Variants in TPM3 observed in about 807,000 individuals in gnomAD.
The protein encoded by TPM3 is tropomyosin alpha-3 chain.
Under a neutral mutation model 43.1 loss-of-function variants are expected in TPM3, and 16 were observed. That is an observed-to-expected ratio of 0.37 (90% CI 0.25 to 0.56). The LOEUF is 0.56. TPM3 is among the 20% of genes least tolerant of loss of function. The pLI is 0.77. For synonymous variants in TPM3, 101 were observed against 116.9 expected (o/e 0.86, Z 0.88); for missense variants, 176 against 337.2 (o/e 0.52, Z 3.74).
At chr1:154,167,976 G>A in intron 9 of TPM3, 36 bp from the exon 10 acceptor site, 1 of 1,613,678 alleles carries the variant, frequency 6.2e-7, no homozygotes, top group East Asian at 2.2e-5. Flanking sequence ...AGGTGAGAAG[G>A]ACTAGCATCA....
chr1:154,168,099 T>A (rs1157161401), intron 9 of TPM3, among the ~76,000 whole-genome samples, 159 bp from the exon 10 acceptor site: 11 of 152,102 alleles, frequency 7.2e-5, no homozygotes. Context: ...CTTTTCAGGG[T>A]TAGTGGGAAA....
At chr1:154,173,664 C>CAA (rs75398811) in intron 3 of TPM3, among the ~76,000 whole-genome samples, 20 of 79,662 alleles carry the variant, frequency 2.5e-4, no homozygotes, top group Admixed American at 5.3e-4. Flanking sequence ...AACTCCGTCT[C>CAA]AAAAAAAAAA....
At chr1:154,183,170 G>A (rs1015007388) in intron 2 of TPM3, 1 of 1,596,756 alleles carries the variant, frequency 6.3e-7, no homozygotes, top group Non-Finnish European at 8.5e-7. Context: ...CCTCCGCTCG[G>A]CGTTGCAGCC....
downstream of TPM3, chr1:154,156,889 C>T (rs1659862917): frequency 5.1e-6 from 1 of 196,230 alleles, no homozygotes; most frequent in Admixed American, 6.1e-5. Context: ...GTCACCTCAA[C>T]ATAAGGGGGA....
chr1:154,157,492 G>C (rs1465558730), downstream of TPM3: 1 of 750,122 alleles, frequency 1.3e-6, no homozygotes, highest in Non-Finnish European at 2.4e-6. Flanking sequence ...TGGCGAAAAA[G>C]ACACAGGGAA....
At chr1:154,160,408 T>C (rs1186995082), downstream of TPM3, among the ~76,000 whole-genome samples, 1 of 152,228 alleles carries the variant, frequency 6.6e-6, no homozygotes, top group Non-Finnish European at 1.5e-5. Flanking sequence ...GAGACCAGTA[T>C]GGTCCCAGTA....
chr1:154,168,526 CA>C (rs1359678308), intron 9 of TPM3, among the ~76,000 whole-genome samples: 1 of 152,006 alleles, frequency 6.6e-6, no homozygotes, highest in Non-Finnish European at 1.5e-5. Context: ...TAATTGCCTC[CA>C]GAGCTTTTTT....
intron 9 of TPM3, among the ~76,000 whole-genome samples, chr1:154,168,759 C>T (rs958034290): frequency 6.6e-6 from 1 of 151,948 alleles, no homozygotes; most frequent in Admixed American, 6.6e-5. Context: ...CTCCTGGCCT[C>T]GAGTCATCCG....
chr1:154,186,707 A>T (rs1663425414), intron 2 of TPM3, among the ~76,000 whole-genome samples: 2 of 151,744 alleles, frequency 1.3e-5, no homozygotes, highest in Admixed American at 6.5e-5. Context: ...CTACTACTGA[A>T]TTAGACATTT....
At chr1:154,190,321 G>A (rs1053748374) in intron 2 of TPM3, among the ~76,000 whole-genome samples, 2 of 152,130 alleles carry the variant, frequency 1.3e-5, no homozygotes, top group African/African-American at 4.8e-5. Context: ...ACCAATACTG[G>A]GACATTTCTG....
chr1:154,170,626 C>T (rs780452609), intron 7 of TPM3, 23 bp downstream of exon 7: 54 of 1,610,634 alleles, frequency 3.4e-5, no homozygotes, highest in Non-Finnish European at 4.3e-5. Context: ...TTGGGTTCTG[C>T]CCTATAAATC....
chr1:154,191,355 A>G, intron 1 of TPM3, 44 bp from the exon 2 acceptor site: 1 of 1,612,232 alleles, frequency 6.2e-7, no homozygotes, highest in Admixed American at 1.7e-5. Flanking sequence ...CACAAACACA[A>G]CAATGCAGGG....
rs1178631812 is a variant in TPM3, at chr1:154,165,708, G to A, written c.*2229C>T. Among the ~76,000 whole-genome samples the A allele has an allele frequency of 6.8e-6, 1 of 147,970 alleles. No individual in the cohort carries two copies. Among genetic ancestry groups the A allele is most frequent in the African/African-American group, 2.5e-5 (1 of 39,960 alleles). ...GGAGGCTGAGGTGGGAGAACTGCTTGAACCCAGGAGGCAGAGGTTGCAGTG... is the reference window on the plus strand; with the variant it reads ...GGAGGCTGAGGTGGGAGAACTGCTTAAACCCAGGAGGCAGAGGTTGCAGTG... On this transcript the variant is annotated 3_prime_UTR_variant, in exon 10 of 10. Coordinates refer to ENST00000651641, the MANE Select transcript of TPM3 (RefSeq NM_152263.4).
At position 154,171,684 on chromosome 1, in the gene TPM3, C is replaced by T. The variant is rs1207713646; in HGVS notation, c.567-196G>A. 6.0e-6 allele frequency: 4 copies of T among 664,654 alleles called. No homozygotes were observed. The Admixed American group carries it at 7.6e-5, about 13-fold the overall frequency. The allele number at this position is 664,654 out of a possible 1,614,324, so 41.2% of individuals were successfully genotyped here. A position where few individuals can be genotyped will look rare whatever the true frequency, so the allele number is the denominator to read the frequency against. ...ACCATAGAACGTGTCAGGAGCTAGA[C>T]CTTCCTGGGCTCAAAAATGTTTGAA... On this transcript the variant is annotated intron_variant, in intron 5 of 9. Coordinates refer to ENST00000651641, the MANE Select transcript of TPM3 (RefSeq NM_152263.4).
downstream of TPM3, among the ~76,000 whole-genome samples, chr1:154,160,590 T>A (rs1441751559): frequency 6.6e-6 from 1 of 152,162 alleles, no homozygotes; most frequent in African/African-American, 2.4e-5. Flanking sequence ...TGTGCACTCT[T>A]CTCTCCAAGG....
chr1:154,191,713 T>G (rs1168510124), intron 1 of TPM3, 189 bp downstream of exon 1: 2 of 1,528,704 alleles, frequency 1.3e-6, no homozygotes, highest in Non-Finnish European at 1.8e-6. Flanking sequence ...TCACTGACTT[T>G]CCCAAGGTCA....
rs938883134 is a variant in TPM3, at chr1:154,165,056, A to T, written c.*2881T>A. Among the ~76,000 whole-genome samples, 1 of 152,130 alleles carries T rather than the reference A, an allele frequency of 6.6e-6. No individual in the cohort carries two copies. Among genetic ancestry groups the T allele is most frequent in the African/African-American group, 2.4e-5 (1 of 41,418 alleles). On this transcript the variant is annotated 3_prime_UTR_variant, in exon 10 of 10. Coordinates refer to ENST00000651641, the MANE Select transcript of TPM3 (RefSeq NM_152263.4). ...GAGCTATTGTGGCCTTCTCATCTCT[A>T]TCAATGCCTTTATTATTTTGTTTCT...
downstream of TPM3, chr1:154,155,921 T>A (rs1380997692): frequency 5.1e-6 from 1 of 197,316 alleles, no homozygotes; most frequent in African/African-American, 2.3e-5. Flanking sequence ...AACTAAACAT[T>A]TGCTCTATAT....
rs1474807925 is a variant in TPM3, at chr1:154,163,680, C to T, written c.*4257G>A. 6.6e-6 allele frequency among the ~76,000 whole-genome samples: 1 copy of T among 152,086 alleles called. No homozygotes were observed. The highest frequency in any genetic ancestry group is 6.5e-5 in the Admixed American group (1 of 15,270). On this transcript the variant is annotated 3_prime_UTR_variant, in exon 10 of 10. Coordinates refer to ENST00000651641, the MANE Select transcript of TPM3 (RefSeq NM_152263.4). ...ACAGAGTCTTGCTCTGTCACCCAGGCTGGAATGCCGTGGCACAATCTCAGC... is the reference window on the plus strand; with the variant it reads ...ACAGAGTCTTGCTCTGTCACCCAGGTTGGAATGCCGTGGCACAATCTCAGC...
Sources: allele counts gnomAD v4.1 joint callset (sites outside exome capture counted in the v4.1 genomes callset), GRCh38; gene constraint gnomAD v4.1.1; transcripts MANE v1.5; gene names NCBI Gene and HGNC (gene_info 2026-07-23, HGNC 2026-07-21).